The following MALSU1 variants were observed in gnomAD, a reference collection of about 807,000 sequenced individuals.
MALSU1 encodes mitochondrial assembly of ribosomal large subunit protein 1.
A neutral mutation model predicts 22.1 loss-of-function variants in MALSU1; 22 were observed. The ratio of observed to expected loss-of-function variants is 1.00; its 90% CI spans 0.71 to 1.42. MALSU1 has a LOEUF of 1.42. MALSU1 is among the 40% of genes most tolerant of loss of function. MALSU1 has a pLI of 0.00. For missense variants in MALSU1, 379 were observed against 308.3 expected, an observed-to-expected ratio of 1.23 and a Z score of -1.72; for synonymous variants, 153 against 118.5, an observed-to-expected ratio of 1.29 and a Z score of -1.89.
chr7:23,307,821 C>A, intron 2 of MALSU1, 47 bp from the exon 3 acceptor site: 1 of 1,235,608 alleles, frequency 8.1e-7, no homozygotes, highest in Non-Finnish European at 1.2e-6. Flanking sequence ...CAAGAACAGG[C>A]TTCCCCCATC....
At chr7:23,300,678 T>G (rs1473386133) in intron 1 of MALSU1, among the ~76,000 whole-genome samples, 161 bp from the exon 2 acceptor site, 1 of 152,166 alleles carries the variant, frequency 6.6e-6, no homozygotes, top group Non-Finnish European at 1.5e-5. Context: ...ATGATACTAC[T>G]GCCCAGGTTC....
Position 23,301,149 on chromosome 7 carries a change from T to G in MALSU1, c.435+132T>G, listed in dbSNP as rs933762506. The G allele has an allele frequency of 9.4e-6, 7 of 742,288 alleles. No homozygotes were observed. In the African/African-American group the frequency reaches 1.0e-4, roughly 11 times the overall value. The allele number at this position is 742,288 out of a possible 1,614,324, so 46.0% of individuals were successfully genotyped here. On this transcript the variant is annotated intron_variant, in intron 2 of 3. Transcript: ENST00000466681. ...AGAAGAAGCCCAAATTTTCAGAATT[T>G]GCATGAATTCATTTTATGTTCTTTG...
At chr7:23,309,299 TA>T in intron 3 of MALSU1, 56 bp from the exon 4 acceptor site, 1 of 1,463,810 alleles carries the variant, frequency 6.8e-7, no homozygotes, top group Non-Finnish European at 9.3e-7. Flanking sequence ...TGTTGTAAGG[TA>T]AGAATAAAAG....
intron 2 of MALSU1, among the ~76,000 whole-genome samples, chr7:23,304,532 C>T (rs1297083948): frequency 1.3e-5 from 2 of 152,186 alleles, no homozygotes; most frequent in Non-Finnish European, 2.9e-5. Context: ...CAGTGTCTCA[C>T]TTTGTTGCCC....
At chr7:23,301,040 T>A (rs751437833) in intron 2 of MALSU1, 23 bp downstream of exon 2, 1 of 1,599,926 alleles carries the variant, frequency 6.3e-7, no homozygotes, top group South Asian at 1.1e-5. Context: ...CTTTTCTCTT[T>A]TGGACCATTA....
In MALSU1 at chr7:23,311,103, G is replaced by C. The variant is rs1783814826; in HGVS notation, c.*1560G>C. On this transcript the variant is annotated 3_prime_UTR_variant, in exon 4 of 4. Transcript: ENST00000466681. ...AATCCTGTTATACTTTACTACTTAA[G>C]GTGGAGTCTAATTTTTTTTTTTTAA... 1 of 151,724 alleles carries C rather than the reference G, an allele frequency of 6.6e-6. No homozygotes were observed. Among genetic ancestry groups the C allele is most frequent in the African/African-American group, 2.4e-5 (1 of 41,214 alleles). The allele number at this position is 151,724 out of a possible 1,614,324, so 9.4% of individuals were successfully genotyped here. A position where few individuals can be genotyped will look rare whatever the true frequency, so the allele number is the denominator to read the frequency against.
chr7:23,302,996 C>G (rs571829816), intron 2 of MALSU1, among the ~76,000 whole-genome samples: 1 of 152,108 alleles, frequency 6.6e-6, no homozygotes, highest in East Asian at 1.9e-4. Context: ...AGGCTGGTCT[C>G]AAACTCCTGA....
At chr7:23,305,644 T>C (rs1218310543) in intron 2 of MALSU1, among the ~76,000 whole-genome samples, 1 of 152,198 alleles carries the variant, frequency 6.6e-6, no homozygotes, top group African/African-American at 2.4e-5. Flanking sequence ...CCCAAAGGGC[T>C]GGGATTACAG....
chr7:23,303,849 T>A (rs1291780209), intron 2 of MALSU1, among the ~76,000 whole-genome samples: 1 of 150,800 alleles, frequency 6.6e-6, no homozygotes, highest in Non-Finnish European at 1.5e-5. Flanking sequence ...TTCACACTTG[T>A]AATCCCAGCA....
At chr7:23,307,640 C>T in intron 2 of MALSU1, 2 of 433,130 alleles carry the variant, frequency 4.6e-6, no homozygotes, top group Non-Finnish European at 8.2e-6. Flanking sequence ...TGGGGTGACC[C>T]TCTCAGAAGG....
rs1485722696 is a variant in MALSU1 at position 23,310,142 on chromosome 7, T to G, written c.*599T>G. On this transcript the variant is annotated 3_prime_UTR_variant, in exon 4 of 4. Transcript: ENST00000466681. ...GGTATAACAGAAATCTGCGTAGAGT[T>G]TGAAAAAAAATTCAGAACATTCCCA... 1 of 152,130 alleles carries G rather than the reference T, an allele frequency of 6.6e-6. No individual in the cohort carries two copies. The highest frequency in any genetic ancestry group is 1.5e-5 in the Non-Finnish European group (1 of 68,012). 9.4% of individuals were successfully genotyped at this position (152,130 alleles called of 1,614,324 possible).
chr7:23,300,902 G>A lies in MALSU1; in HGVS notation c.320G>A (p.Arg107Lys), dbSNP rs756885401. The A allele has an allele frequency of 6.2e-7, 1 of 1,614,068 alleles. No homozygotes were observed. Among genetic ancestry groups the A allele is most frequent in the Non-Finnish European group, 8.5e-7 (1 of 1,179,990 alleles). Reference protein sequence around the residue: ...MVSLLRQENARDICVIQVPPE... With the variant: ...MVSLLRQENAKDICVIQVPPE... ...TCACTTCTGAGGCAAGAAAATGCAA[G>A]AGACATTTGTGTGATCCAGGTTCCT... is the stretch of plus-strand genomic sequence containing the variant. The change falls in exon 2 of 4, where the codon AGA (arginine) becomes AAA (lysine). Residue 107 changes from arginine to lysine, a missense_variant. Transcript: ENST00000466681.
intron 1 of MALSU1, among the ~76,000 whole-genome samples, chr7:23,299,997 A>G (rs538430997): frequency 2.0e-5 from 3 of 152,156 alleles, no homozygotes; most frequent in South Asian, 2.1e-4. Flanking sequence ...CCAGTAGGAG[A>G]TGGGTCCAAG....
In MALSU1 at chr7:23,311,399, C is replaced by A. The variant is rs1783824690; in HGVS notation, c.*1856C>A. 1 of 152,618 alleles carries A rather than the reference C, an allele frequency of 6.6e-6. No homozygotes were observed. Among genetic ancestry groups the A allele is most frequent in the African/African-American group, 2.4e-5 (1 of 41,440 alleles). The allele number at this position is 152,618 out of a possible 1,614,324, so 9.5% of individuals were successfully genotyped here. On this transcript the variant is annotated 3_prime_UTR_variant, in exon 4 of 4. Coordinates refer to ENST00000466681, the MANE Select transcript of MALSU1 (RefSeq NM_138446.2). ...ACAAAGCATTTATTATGCATTCAATCATGTAGCTAAACAAAAAACTGAAGT... is the reference window on the plus strand; with the variant it reads ...ACAAAGCATTTATTATGCATTCAATAATGTAGCTAAACAAAAAACTGAAGT...
At chr7:23,309,319 C>G (rs767926432) in intron 3 of MALSU1, 37 bp from the exon 4 acceptor site, 3 of 1,536,462 alleles carry the variant, frequency 2.0e-6, no homozygotes, top group Non-Finnish European at 2.7e-6. Context: ...AGCAAATGAA[C>G]TATTCCTTCA....
rs537720581 is a variant in MALSU1 at position 23,303,749 on chromosome 7, C to T, written c.435+2732C>T. Among the ~76,000 whole-genome samples the T allele has an allele frequency of 1.8e-4, 26 of 148,306 alleles. No individual in the cohort carries two copies. The South Asian group carries it at 5.2e-3, about 30-fold the overall frequency. ...GCTTGAGCCCAGGAGCTTGAGGCTG[C>T]AGTGAGCCAAGATTGTACTACTGCA... is the stretch of plus-strand genomic sequence containing the variant. On this transcript the variant is annotated intron_variant, in intron 2 of 3. Transcript: ENST00000466681.
chr7:23,307,864 G>A lies in MALSU1; in HGVS notation c.436-4G>A, dbSNP rs1783742714. ...CCTTTAATAAACCACCTGGCTTTTT[G>A]CAGTACAAACACCTGAAATGTAAAC... is the stretch of plus-strand genomic sequence containing the variant. On this transcript the variant is annotated splice_polypyrimidine_tract_variant and splice_region_variant and intron_variant, in intron 2 of 3. Coordinates refer to ENST00000466681, the MANE Select transcript of MALSU1 (RefSeq NM_138446.2). The A allele has an allele frequency of 6.2e-7, 1 of 1,608,896 alleles. No individual in the cohort carries two copies. Among genetic ancestry groups the A allele is most frequent in the Non-Finnish European group, 8.5e-7 (1 of 1,176,880 alleles).
At chr7:23,306,578 C>T (rs1227194324) in intron 2 of MALSU1, among the ~76,000 whole-genome samples, 1 of 152,194 alleles carries the variant, frequency 6.6e-6, no homozygotes, top group African/African-American at 2.4e-5. Flanking sequence ...GCTTTTCTCA[C>T]ATGGCCCTTA....
rs760005190 is a variant in MALSU1, at chr7:23,309,507, T to G, written c.669T>G (p.Thr223=). 2 of 1,609,904 alleles carry G rather than the reference T, an allele frequency of 1.2e-6. No homozygotes were observed. The highest frequency in any genetic ancestry group is 1.7e-6 in the Non-Finnish European group (2 of 1,178,568). ...EDFILGIEDD[T]SSVTPVELKC... ...TCATTCTTGGAATAGAAGATGATAC[T>G]TCATCTGTGACTCCAGTGGAGTTAA... The change falls in exon 4 of 4, where the codon ACT becomes ACG. Residue 223 remains threonine, a synonymous_variant. Coordinates refer to ENST00000466681, the MANE Select transcript of MALSU1 (RefSeq NM_138446.2).
Sources: allele counts gnomAD v4.1 joint callset (sites outside exome capture counted in the v4.1 genomes callset), GRCh38; gene constraint gnomAD v4.1.1; transcripts MANE v1.5; gene names NCBI Gene and HGNC (gene_info 2026-07-23, HGNC 2026-07-21).